The following UBR3 variants were observed in gnomAD, a reference collection of about 807,000 sequenced individuals.
The protein encoded by UBR3 is ubiquitin protein ligase E3 component n-recognin 3.
UBR3 carries 85 observed loss-of-function variants against 243.2 expected under a neutral mutation model. The ratio of observed to expected loss-of-function variants is 0.35; its 90% CI spans 0.29 to 0.42. The LOEUF (loss-of-function observed/expected upper bound fraction) is 0.42, where lower values mean the gene tolerates loss of function less well. UBR3 is among the 10% of genes least tolerant of loss of function. The pLI is 1.00. For missense variants in UBR3, 1,686 were observed against 2,300.8 expected (o/e 0.73, Z 5.47); for synonymous variants, 748 against 799.8 (o/e 0.94, Z 1.09).
intron 36 of UBR3, among the ~76,000 whole-genome samples, chr2:170,076,513 T>G (rs1394722042): frequency 6.6e-6 from 1 of 152,204 alleles, no homozygotes; most frequent in African/African-American, 2.4e-5. Context: ...CCATTGTTCC[T>G]GTCATTTGTA....
intron 26 of UBR3, among the ~76,000 whole-genome samples, chr2:169,998,717 G>T (rs2089586377): frequency 6.6e-6 from 1 of 152,184 alleles, no homozygotes; most frequent in Non-Finnish European, 1.5e-5. Flanking sequence ...CAGATTAAAT[G>T]CATGCATTTT....
At chr2:169,924,314 G>T in intron 13 of UBR3, 141 bp downstream of exon 13, 2 of 652,966 alleles carry the variant, frequency 3.1e-6, no homozygotes, top group East Asian at 3.0e-5. Flanking sequence ...ATTTTTGCTA[G>T]ATTATGTTTA....
intron 33 of UBR3, among the ~76,000 whole-genome samples, chr2:170,059,803 T>C (rs2091421499): frequency 6.6e-6 from 1 of 151,946 alleles, no homozygotes; most frequent in Non-Finnish European, 1.5e-5. Context: ...TGCAAAGAAG[T>C]GATTATCAGA....
intron 36 of UBR3, among the ~76,000 whole-genome samples, chr2:170,076,712 C>G (rs1298028892): frequency 1.3e-5 from 2 of 152,188 alleles, no homozygotes; most frequent in Non-Finnish European, 2.9e-5. Context: ...TCCAGCACAC[C>G]TCAACGGATG....
chr2:169,874,440 A>G (rs2083533477), intron 2 of UBR3, among the ~76,000 whole-genome samples: 1 of 152,184 alleles, frequency 6.6e-6, no homozygotes, highest in South Asian at 2.1e-4. Flanking sequence ...AAGTGCTGGG[A>G]CTACAGGTGT....
chr2:170,061,234 T>A (rs1339365493), intron 34 of UBR3, 48 bp downstream of exon 34: 1 of 1,580,288 alleles, frequency 6.3e-7, no homozygotes. Context: ...GTAAAAAATT[T>A]ACATTTTCTT....
chr2:169,938,400 A>G (rs2086431128), intron 19 of UBR3, among the ~76,000 whole-genome samples: 1 of 151,344 alleles, frequency 6.6e-6, no homozygotes, highest in Non-Finnish European at 1.5e-5. Context: ...AGCTGGGACT[A>G]CAGACATACG....
chr2:169,960,701 CT>C (rs1553519662), intron 24 of UBR3, among the ~76,000 whole-genome samples: 2 of 151,862 alleles, frequency 1.3e-5, no homozygotes, highest in Non-Finnish European at 2.9e-5. Context: ...CCTCTTTTAC[CT>C]CTTGCCTTTT....
intron 30 of UBR3, among the ~76,000 whole-genome samples, chr2:170,021,230 G>C (rs1038569982): frequency 1.3e-5 from 2 of 152,028 alleles, no homozygotes; most frequent in African/African-American, 4.8e-5. Flanking sequence ...CAAATTGGGG[G>C]GTGTGTGGAT....
chr2:170,031,563 T>C (rs906202130), intron 31 of UBR3, among the ~76,000 whole-genome samples: 3 of 152,156 alleles, frequency 2.0e-5, no homozygotes, highest in African/African-American at 7.2e-5. Context: ...AGAGGGTACA[T>C]GTGCAGGTTT....
At chr2:169,981,797 C>T (rs1434099110) in intron 24 of UBR3, among the ~76,000 whole-genome samples, 2 of 151,444 alleles carry the variant, frequency 1.3e-5, no homozygotes, top group Non-Finnish European at 2.9e-5. Context: ...AAATCTAAAA[C>T]TATTATAAAA....
chr2:169,983,252 C>CTTTTTTTTTTTTTTT (rs72194627), intron 24 of UBR3, among the ~76,000 whole-genome samples: 7 of 71,984 alleles, frequency 9.7e-5, no homozygotes, highest in African/African-American at 3.5e-4. Context: ...ATTCTCTCTC[C>CTTTTTTTTTTTTTTT]TTTTTTTTTT....
At chr2:169,913,330 T>A (rs551510894) in intron 10 of UBR3, among the ~76,000 whole-genome samples, 2 of 150,932 alleles carry the variant, frequency 1.3e-5, no homozygotes, top group East Asian at 3.9e-4. Flanking sequence ...TTAAATCCTT[T>A]GCCTGTTTTT....
intron 1 of UBR3, among the ~76,000 whole-genome samples, chr2:169,847,187 A>G (rs924594700): frequency 8.6e-5 from 13 of 151,534 alleles, no homozygotes; most frequent in Admixed American, 5.9e-4. Flanking sequence ...ATCTCTGACA[A>G]TGGTACTTAG....
intron 1 of UBR3, 83 bp downstream of exon 1, chr2:169,828,135 A>G (rs1573985960): frequency 1.5e-6 from 2 of 1,301,160 alleles, no homozygotes; most frequent in Middle Eastern, 2.4e-4. Flanking sequence ...CTGGGAGCCC[A>G]CTCTGAGCTG....
chr2:169,830,478 A>G (rs913777215), intron 1 of UBR3, among the ~76,000 whole-genome samples: 1 of 152,134 alleles, frequency 6.6e-6, no homozygotes, highest in African/African-American at 2.4e-5. Context: ...TATTATTCTC[A>G]TTGTACAGAA....
chr2:169,947,399 T>G, intron 21 of UBR3, 143 bp from the exon 22 acceptor site: 3 of 598,856 alleles, frequency 5.0e-6, no homozygotes, highest in Non-Finnish European at 7.4e-6. Flanking sequence ...TTTAAATTTA[T>G]TCACTTTATA....
At chr2:170,047,845 T>A (rs2091126013) in intron 32 of UBR3, among the ~76,000 whole-genome samples, 2 of 152,218 alleles carry the variant, frequency 1.3e-5, no homozygotes, top group Non-Finnish European at 2.9e-5. Flanking sequence ...GTCCAGTATA[T>A]CCACACTGTA....
At chr2:169,940,505 T>C (rs2086539186) in intron 19 of UBR3, among the ~76,000 whole-genome samples, 2 of 152,222 alleles carry the variant, frequency 1.3e-5, no homozygotes, top group African/African-American at 4.8e-5. Flanking sequence ...TTTTGAGATT[T>C]ACTTTGCATT....
Sources: gnomAD v4.1 joint callset for allele counts (sites outside exome capture counted in the v4.1 genomes callset) on GRCh38, gnomAD v4.1.1 for gene constraint, MANE v1.5 for transcripts, NCBI Gene and HGNC (gene_info 2026-07-23, HGNC 2026-07-21) for gene names.